Variants in CHSY3 observed in about 807,000 individuals in gnomAD.
CHSY3 encodes chondroitin sulfate synthase 3, also known as N-acetylgalactosaminyl-proteoglycan 3-beta-glucuronosyltransferase 3.
A neutral mutation model predicts 67.2 loss-of-function variants in CHSY3; 35 were observed. The ratio of observed to expected loss-of-function variants is 0.52; its 90% CI spans 0.40 to 0.69. The LOEUF (loss-of-function observed/expected upper bound fraction) is 0.69, where lower values mean the gene tolerates loss of function less well. CHSY3 is among the 30% of genes least tolerant of loss of function. The pLI is 0.00. For synonymous variants in CHSY3, 474 were observed against 434.7 expected, an observed-to-expected ratio of 1.09 and a Z score of -1.12; for missense variants, 1,069 against 1,138.5, an observed-to-expected ratio of 0.94 and a Z score of 0.88.
intron 2 of CHSY3, among the ~76,000 whole-genome samples, chr5:129,992,275 T>C (rs1297718448): frequency 6.6e-6 from 1 of 152,186 alleles, no homozygotes; most frequent in East Asian, 1.9e-4. Context: ...TAGAATTCAG[T>C]AGTACATTAC....
At chr5:130,096,066 T>C (rs1209177264) in intron 2 of CHSY3, among the ~76,000 whole-genome samples, 1 of 152,138 alleles carries the variant, frequency 6.6e-6, no homozygotes, top group African/African-American at 2.4e-5. Context: ...TGAGAAACTG[T>C]TACGGACTCA....
intron 2 of CHSY3, among the ~76,000 whole-genome samples, chr5:129,934,891 A>G (rs1761436872): frequency 6.6e-6 from 1 of 152,156 alleles, no homozygotes; most frequent in African/African-American, 2.4e-5. Flanking sequence ...ACTTAGGAAC[A>G]CTTAGTCTAA....
chr5:130,056,497 T>C (rs1449748677), intron 2 of CHSY3, among the ~76,000 whole-genome samples: 1 of 152,220 alleles, frequency 6.6e-6, no homozygotes, highest in Admixed American at 6.5e-5. Context: ...GAATCAAAGA[T>C]GAATCTTCAC....
chr5:130,184,619 A>G lies in CHSY3; in HGVS notation c.1477A>G (p.Thr493Ala), dbSNP rs550480852. The G allele has an allele frequency of 6.2e-7, 1 of 1,608,990 alleles. No homozygotes were observed. The highest frequency in any genetic ancestry group is 1.1e-5 in the South Asian group (1 of 90,986). Reference protein sequence around the residue: ...PRQSLSSILRTALDDTVLQVM... With the variant: ...PRQSLSSILRAALDDTVLQVM... ...ACAGAGCCTCAGTAGCATTTTAAGA[A>G]CAGCACTGGATGATACCGTCCTACA... is the stretch of plus-strand genomic sequence containing the variant. Residue 493 changes from threonine (T) to alanine (A), a missense_variant, in exon 3 of 3, where the codon ACA becomes GCA. Thr to Ala is a moderately conservative substitution (Grantham distance 58, BLOSUM62 0). Around this residue, in one of 5 missense-constraint regions of CHSY3, gnomAD observed 401 missense variants for 395.2 expected, o/e 1.01. Coordinates refer to ENST00000305031, the MANE Select transcript of CHSY3 (RefSeq NM_175856.5).
intron 2 of CHSY3, among the ~76,000 whole-genome samples, chr5:129,973,851 C>T (rs901527358): frequency 6.6e-6 from 1 of 152,084 alleles, no homozygotes; most frequent in Admixed American, 6.6e-5. Context: ...CAACATCTGC[C>T]CCTGCTTACT....
chr5:130,070,282 A>G (rs1766016824), intron 2 of CHSY3, among the ~76,000 whole-genome samples: 1 of 152,124 alleles, frequency 6.6e-6, no homozygotes, highest in African/African-American at 2.4e-5. Context: ...TTGTCATAAA[A>G]TGTTAAAAGA....
chr5:130,075,242 C>T (rs1766212775), intron 2 of CHSY3, among the ~76,000 whole-genome samples: 2 of 152,048 alleles, frequency 1.3e-5, no homozygotes, highest in South Asian at 4.1e-4. Flanking sequence ...TTTTTATAAT[C>T]TTGGGCTTAA....
chr5:129,958,076 C>G (rs1762229006), intron 2 of CHSY3, among the ~76,000 whole-genome samples: 1 of 152,090 alleles, frequency 6.6e-6, no homozygotes, highest in African/African-American at 2.4e-5. Context: ...TTTAAAACTT[C>G]TAAATATTTG....
chr5:130,019,715 A>G (rs1379874788), intron 2 of CHSY3, among the ~76,000 whole-genome samples: 1 of 152,242 alleles, frequency 6.6e-6, no homozygotes, highest in East Asian at 1.9e-4. Flanking sequence ...TGATGTTTGT[A>G]TCAGAAAATT....
At chr5:130,158,026 A>G (rs2149726760) in intron 2 of CHSY3, among the ~76,000 whole-genome samples, 1 of 152,348 alleles carries the variant, frequency 6.6e-6, no homozygotes, top group East Asian at 1.9e-4. Context: ...TTGCATTTTA[A>G]AAGCAGTGGG....
intron 2 of CHSY3, chr5:130,001,551 G>A: frequency 2.3e-6 from 2 of 882,980 alleles, no homozygotes; most frequent in Non-Finnish European, 2.7e-6. Context: ...CCCATGGAGA[G>A]TCCCTCCTGT....
chr5:129,964,694 T>G (rs545256435), intron 2 of CHSY3, among the ~76,000 whole-genome samples: 1 of 152,064 alleles, frequency 6.6e-6, no homozygotes, highest in Non-Finnish European at 1.5e-5. Flanking sequence ...GTAGAGAATC[T>G]TAATCACTTT....
intron 2 of CHSY3, among the ~76,000 whole-genome samples, chr5:130,009,137 T>C (rs906379298): frequency 6.6e-6 from 1 of 152,126 alleles, no homozygotes; most frequent in African/African-American, 2.4e-5. Context: ...GTATACAAGA[T>C]GACCATCCCC....
rs908945021 is a variant in CHSY3, at chr5:130,123,832, C to T, written c.1087-60397C>T. 8.6e-5 allele frequency among the ~76,000 whole-genome samples: 13 copies of T among 151,950 alleles called. No individual in the cohort carries two copies. The East Asian group carries it at 2.3e-3, about 27-fold the overall frequency. ...CAGCACTTTGGGAGGCTGACATGGG[C>T]GGATCACGAGGTCAGGAGATCAAGA... On this transcript the variant is annotated intron_variant, in intron 2 of 2. Coordinates refer to ENST00000305031, the MANE Select transcript of CHSY3 (RefSeq NM_175856.5).
At chr5:130,090,905 A>C (rs1580724442) in intron 2 of CHSY3, among the ~76,000 whole-genome samples, 1 of 152,292 alleles carries the variant, frequency 6.6e-6, no homozygotes, top group African/African-American at 2.4e-5. Flanking sequence ...CTATGAAATA[A>C]GTGAAAGAAT....
chr5:129,930,515 G>C (rs371338428), intron 2 of CHSY3, among the ~76,000 whole-genome samples: 2,287 of 145,640 alleles, frequency 0.016, 94 homozygotes, highest in African/African-American at 0.051. Context: ...TGGCGGGGGG[G>C]GGGTATGAAG....
chr5:130,073,390 C>G (rs762877870), intron 2 of CHSY3, among the ~76,000 whole-genome samples: 1 of 151,718 alleles, frequency 6.6e-6, no homozygotes, highest in Non-Finnish European at 1.5e-5. Flanking sequence ...CGGGTTCAAG[C>G]GATTCTCCTG....
intron 2 of CHSY3, among the ~76,000 whole-genome samples, chr5:129,928,754 T>A (rs931210009): frequency 6.6e-6 from 1 of 152,154 alleles, no homozygotes; most frequent in African/African-American, 2.4e-5. Context: ...GTAATAAGCA[T>A]AAAATTGATT....
chr5:130,139,843 TC>T (rs1354741357), intron 2 of CHSY3, among the ~76,000 whole-genome samples: 1 of 152,206 alleles, frequency 6.6e-6, no homozygotes, highest in Non-Finnish European at 1.5e-5. Context: ...ATAGCTTACC[TC>T]GAATAATAGA....
Sources: gnomAD v4.1 joint callset for allele counts (sites outside exome capture counted in the v4.1 genomes callset) on GRCh38, gnomAD v4.1.1 for gene constraint, gnomAD v4.1.1 regional missense constraint, MANE v1.5 for transcripts, NCBI Gene and HGNC (gene_info 2026-07-23, HGNC 2026-07-21) for gene names.